MGAT4C: variants seen among roughly 807,000 people sequenced by gnomAD.
The protein encoded by MGAT4C is alpha-1,3-mannosyl-glycoprotein 4-beta-N-acetylglucosaminyltransferase C.
In MGAT4C, 19 loss-of-function variants were observed where a neutral mutation model predicts 40.1. The observed-to-expected ratio is 0.47, with a 90% CI of 0.33 to 0.70. The LOEUF (loss-of-function observed/expected upper bound fraction) is 0.70, where lower values mean the gene tolerates loss of function less well. Ranked by LOEUF, MGAT4C falls within the 30% of genes least tolerant of loss-of-function variation. The pLI, the probability that MGAT4C is intolerant of heterozygous loss-of-function variation, is 0.02. For missense variants in MGAT4C, 491 were observed against 563.2 expected, an observed-to-expected ratio of 0.87 and a Z score of 1.30; for synonymous variants, 181 against 187.1, an observed-to-expected ratio of 0.97 and a Z score of 0.27.
intron 1 of MGAT4C, among the ~76,000 whole-genome samples, chr12:86,729,190 C>T (rs775407656): frequency 2.6e-4 from 39 of 152,016 alleles, no homozygotes; most frequent in Non-Finnish European, 5.3e-4. Flanking sequence ...TTTAATTGTA[C>T]ATTTAAAATA....
At chr12:86,444,274 C>T (rs1242792487) in intron 2 of MGAT4C, among the ~76,000 whole-genome samples, 1 of 152,136 alleles carries the variant, frequency 6.6e-6, no homozygotes, top group Non-Finnish European at 1.5e-5. Context: ...TTCTTTCATA[C>T]CATGCAAAGC....
intron 1 of MGAT4C, among the ~76,000 whole-genome samples, chr12:86,797,701 GA>G: frequency 6.6e-6 from 1 of 151,914 alleles, no homozygotes; most frequent in East Asian, 1.9e-4. Context: ...CAGTTCTCCT[GA>G]TTTCAGCTAA....
At chr12:86,525,869 G>A (rs1016441239) in intron 2 of MGAT4C, among the ~76,000 whole-genome samples, 2 of 152,164 alleles carry the variant, frequency 1.3e-5, no homozygotes, top group Non-Finnish European at 2.9e-5. Context: ...ATGCTCTGAT[G>A]GGTAGTGTCA....
At chr12:86,283,159 T>C (rs187335551) in intron 4 of MGAT4C, among the ~76,000 whole-genome samples, 41 of 152,064 alleles carry the variant, frequency 2.7e-4, no homozygotes, top group African/African-American at 9.9e-4. Flanking sequence ...ACTATGCTTT[T>C]CTTGGGTTCT....
At chr12:86,616,696 A>C (rs1031488979) in intron 2 of MGAT4C, among the ~76,000 whole-genome samples, 1 of 151,016 alleles carries the variant, frequency 6.6e-6, no homozygotes, top group African/African-American at 2.4e-5. Context: ...CAAAGTTAAC[A>C]GGGTTTCTTT....
At chr12:86,256,521 A>C (rs1351904797), upstream of MGAT4C, 2 of 152,142 alleles carry the variant, frequency 1.3e-5, no homozygotes, top group Non-Finnish European at 2.9e-5. Flanking sequence ...TACAAATTGA[A>C]ATGCACATTT....
At chr12:86,667,064 A>T (rs1174698825) in intron 2 of MGAT4C, among the ~76,000 whole-genome samples, 1 of 152,176 alleles carries the variant, frequency 6.6e-6, no homozygotes, top group Admixed American at 6.5e-5. Flanking sequence ...GCTGCTGCCT[A>T]TTTCTTATAT....
At chr12:86,447,857 T>C (rs1480972385) in intron 2 of MGAT4C, among the ~76,000 whole-genome samples, 2 of 152,182 alleles carry the variant, frequency 1.3e-5, no homozygotes, top group African/African-American at 4.8e-5. Flanking sequence ...TCCTCCTCCA[T>C]ATACTGTGTA....
chr12:86,350,380 T>C (rs1955132494), intron 3 of MGAT4C, among the ~76,000 whole-genome samples: 1 of 152,174 alleles, frequency 6.6e-6, no homozygotes, highest in Non-Finnish European at 1.5e-5. Context: ...TGTTGTATTC[T>C]AACTGTGTAG....
At chr12:86,763,859 T>G (rs1305080265) in intron 1 of MGAT4C, among the ~76,000 whole-genome samples, 1 of 152,086 alleles carries the variant, frequency 6.6e-6, no homozygotes, top group Admixed American at 6.6e-5. Flanking sequence ...AGAATACAGT[T>G]AAGAATGACA....
intron 2 of MGAT4C, among the ~76,000 whole-genome samples, chr12:86,690,747 G>T (rs1309469046): frequency 2.0e-5 from 3 of 152,092 alleles, no homozygotes; most frequent in Non-Finnish European, 4.4e-5. Context: ...TTCCTATTTG[G>T]CCATCTTGCC....
At chr12:86,708,238 T>G (rs1228107303) in intron 2 of MGAT4C, among the ~76,000 whole-genome samples, 1 of 152,326 alleles carries the variant, frequency 6.6e-6, no homozygotes. Context: ...AAGTACAGCT[T>G]GGACCACGGC....
At chr12:86,545,501 C>T (rs920542738) in intron 2 of MGAT4C, among the ~76,000 whole-genome samples, 14 of 151,926 alleles carry the variant, frequency 9.2e-5, no homozygotes, top group Middle Eastern at 3.4e-3. Flanking sequence ...TTTGATATTA[C>T]ATCTCGTTGC....
intron 4 of MGAT4C, among the ~76,000 whole-genome samples, chr12:86,318,830 T>C (rs1423837355): frequency 6.6e-6 from 1 of 152,180 alleles, no homozygotes; most frequent in Non-Finnish European, 1.5e-5. Flanking sequence ...GGTTTGTTAT[T>C]AATGGTTTTT....
At chr12:86,639,409 C>A (rs1034317873) in intron 2 of MGAT4C, among the ~76,000 whole-genome samples, 3 of 151,404 alleles carry the variant, frequency 2.0e-5, no homozygotes, top group Non-Finnish European at 3.0e-5. Context: ...TTGGGACATT[C>A]TTAATGAACA....
intron 2 of MGAT4C, among the ~76,000 whole-genome samples, chr12:86,572,298 C>T (rs1314464551): frequency 6.6e-6 from 1 of 152,082 alleles, no homozygotes; most frequent in Admixed American, 6.6e-5. Context: ...AATACTTCCA[C>T]AAATTCTGGG....
In MGAT4C at chr12:86,201,924, T is replaced by G. The variant is rs570295048; in HGVS notation, c.-57+54315A>C. 9.9e-4 allele frequency among the ~76,000 whole-genome samples: 150 copies of G among 152,236 alleles called. 1 individual carries two copies. Among genetic ancestry groups the G allele is most frequent in the Non-Finnish European group, 1.6e-3 (109 of 67,952 alleles). On this transcript the variant is annotated intron_variant, in intron 1 of 4. Transcript: ENST00000611864. The stretch of plus-strand genomic sequence containing the variant: ...GTTTTTATGCCACAGCAAATGGTAT[T>G]GTGCTTCAATTAAAATTTTCACTTG...
intron 2 of MGAT4C, among the ~76,000 whole-genome samples, chr12:86,629,559 G>A (rs951251072): frequency 6.6e-6 from 1 of 152,160 alleles, no homozygotes; most frequent in Non-Finnish European, 1.5e-5. Context: ...CTGTCTCTCA[G>A]ACCACAGTGC....
intron 4 of MGAT4C, among the ~76,000 whole-genome samples, chr12:86,290,990 A>G (rs577513532): frequency 6.6e-6 from 1 of 152,302 alleles, no homozygotes; most frequent in East Asian, 1.9e-4. Flanking sequence ...GCTTTGAACA[A>G]CCAAGACCCA....
Sources: gnomAD v4.1 joint callset for allele counts (sites outside exome capture counted in the v4.1 genomes callset) on GRCh38, gnomAD v4.1.1 for gene constraint, MANE v1.5 for transcripts, NCBI Gene and HGNC (gene_info 2026-07-23, HGNC 2026-07-21) for gene names.